Variants in JPH1 observed in about 807,000 individuals in gnomAD.
JPH1 encodes junctophilin 1.
A neutral mutation model predicts 53.6 loss-of-function variants in JPH1; 12 were observed. The ratio of observed to expected loss-of-function variants is 0.22; its 90% CI spans 0.14 to 0.36. The LOEUF is 0.36. Ranked by LOEUF, JPH1 falls within the 10% of genes least tolerant of loss-of-function variation. The pLI, the probability that JPH1 is intolerant of heterozygous loss-of-function variation, is 1.00. For synonymous variants in JPH1, 375 were observed against 363.8 expected (o/e 1.03, Z -0.35); for missense variants, 808 against 905.5 (o/e 0.89, Z 1.38).
In JPH1 at chr8:74,306,693, G is replaced by C. The variant is rs1046291621; in HGVS notation, c.1139+8168C>G. Among the ~76,000 whole-genome samples the C allele has an allele frequency of 1.4e-4, 21 of 151,804 alleles. 1 individual carries two copies. Among genetic ancestry groups the C allele is most frequent in the Non-Finnish European group, 3.1e-4 (21 of 67,980 alleles). ...TGCTCACTGCAACCTCTGCCTCCCA[G>C]GTTCAAGCGATTCCTGCCTCAGCCT... is the stretch of plus-strand genomic sequence containing the variant. On this transcript the variant is annotated intron_variant, in intron 2 of 5. Transcript: ENST00000342232.
At chr8:74,256,050 G>C (rs1395540014) in intron 3 of JPH1, among the ~76,000 whole-genome samples, 14 of 152,178 alleles carry the variant, frequency 9.2e-5, no homozygotes, top group South Asian at 4.2e-4. Context: ...GGGTATATAC[G>C]CAAAGGATTA....
Position 74,237,252 on chromosome 8 carries a change from C to A in JPH1, c.1957G>T (p.Ala653Ser), listed in dbSNP as rs751637698. The change falls in exon 5 of 6, where the codon GCC becomes TCC. Residue 653 changes from alanine (A) to serine (S), a missense_variant. Around this residue, in one of 2 missense-constraint regions of JPH1, gnomAD observed 756 missense variants for 811.9 expected, o/e 0.93. Transcript: ENST00000342232. Reference protein sequence around the residue: ...VLVMLLNIGLAILFVHFLT With the variant: ...VLVMLLNIGLSILFVHFLT ...GTTAGAAAGTGAACAAAAAGAATGG[C>A]CAACCCGATATTCAACAGCATGACA... 6.2e-7 allele frequency: 1 copy of A among 1,613,258 alleles called. No individual in the cohort carries two copies. Among genetic ancestry groups the A allele is most frequent in the African/African-American group, 1.3e-5 (1 of 74,874 alleles).
At chr8:74,248,428 A>G (rs974641935) in intron 3 of JPH1, among the ~76,000 whole-genome samples, 10 of 152,272 alleles carry the variant, frequency 6.6e-5, no homozygotes, top group African/African-American at 1.7e-4. Context: ...AGATATTTTA[A>G]TAAGTATGAA....
chr8:74,315,526 C>G lies in JPH1; in HGVS notation c.474G>C (p.Pro158=), dbSNP rs780259235. ...GCAGCGAGGCCAGCGAGGTACGCAG[C>G]GGTGAGCGGATCACCGTGGCCATGC... The part of the protein sequence containing the change: ...PYGMATVIRS[P]LRTSLASLRS... Residue 158 remains proline (P), a synonymous_variant, in exon 2 of 6, where the codon CCG becomes CCC. Transcript: ENST00000342232. This position sits in a 1 kb window ranked among gnomAD's most constrained non-coding sequence, Gnocchi z 6.3. The G allele has an allele frequency of 2.5e-6, 4 of 1,605,704 alleles. No homozygotes were observed. The highest frequency in any genetic ancestry group is 3.4e-5 in the Admixed American group (2 of 59,512).
At position 74,320,893 on chromosome 8, in the gene JPH1, C is replaced by T; in HGVS notation, c.379+16G>A. The T allele has an allele frequency of 6.7e-7, 1 of 1,501,986 alleles. No individual in the cohort carries two copies. The highest frequency in any genetic ancestry group is 8.9e-7 in the Non-Finnish European group (1 of 1,126,048). 93.0% of individuals were successfully genotyped at this position (1,501,986 alleles called of 1,614,324 possible). A position where few individuals can be genotyped will look rare whatever the true frequency, so the allele number is the denominator to read the frequency against. On this transcript the variant is annotated intron_variant, in intron 1 of 5. Transcript: ENST00000342232. The surrounding 1 kb of genome is among the most constrained non-coding windows in gnomAD (Gnocchi z 4.4). ...CCAGCTCGCGGAGCAGCCGAGCCGC[C>T]CGTTACGCCGCTCACCTCCGTCCCC...
At chr8:74,237,722 T>C (rs576762223) in intron 4 of JPH1, among the ~76,000 whole-genome samples, 1 of 152,288 alleles carries the variant, frequency 6.6e-6, no homozygotes, top group Admixed American at 6.5e-5. Flanking sequence ...GCAAAATCTG[T>C]AGGACAAAGC....
chr8:74,301,048 T>C (rs78618404), intron 2 of JPH1, among the ~76,000 whole-genome samples: 6,863 of 152,246 alleles, frequency 0.045, 214 homozygotes, highest in African/African-American at 0.083. Flanking sequence ...TTAACCTTAA[T>C]AGGGGTATTA....
intron 3 of JPH1, among the ~76,000 whole-genome samples, chr8:74,258,888 G>T (rs1806311603): frequency 6.6e-6 from 1 of 152,140 alleles, no homozygotes; most frequent in African/African-American, 2.4e-5. Flanking sequence ...CAGACCTCGG[G>T]TGATATTTGT....
intron 3 of JPH1, among the ~76,000 whole-genome samples, chr8:74,258,735 A>G (rs16938841): frequency 0.11 from 16,664 of 152,186 alleles, 2,506 homozygotes; most frequent in African/African-American, 0.34. Context: ...TAGAATCTGT[A>G]GCTGTCACTA....
chr8:74,312,896 A>C (rs13261715), intron 2 of JPH1, among the ~76,000 whole-genome samples: 40,496 of 152,106 alleles, frequency 0.27, 5,639 homozygotes, highest in East Asian at 0.39. Flanking sequence ...ATAAGGTCTT[A>C]AACTAAAGAT....
chr8:74,293,884 A>G (rs1807414717), intron 2 of JPH1, among the ~76,000 whole-genome samples: 1 of 152,214 alleles, frequency 6.6e-6, no homozygotes, highest in East Asian at 1.9e-4. Flanking sequence ...CTTTTGGAAG[A>G]CAAAGACACC....
Position 74,272,605 on chromosome 8 carries a change from T to TC in JPH1, c.1140-13103_1140-13102insG, listed in dbSNP as rs1343621954. On this transcript the variant is annotated intron_variant, in intron 2 of 5. Coordinates refer to ENST00000342232, the MANE Select transcript of JPH1 (RefSeq NM_020647.4). ...CCTCTGTTGGACCCTTAGTTCTTTT[T>TC]TTTTTTTTTTTTTTTTGAGACGGAG... Among the ~76,000 whole-genome samples the TC allele has an allele frequency of 7.9e-4, 117 of 147,996 alleles. 2 individuals are homozygous for TC. The highest frequency in any genetic ancestry group is 2.8e-3 in the African/African-American group (112 of 40,336).
chr8:74,309,387 C>T (rs140921215), intron 2 of JPH1, among the ~76,000 whole-genome samples: 8 of 152,270 alleles, frequency 5.3e-5, no homozygotes, highest in Middle Eastern at 3.4e-3. Context: ...GGTTCTCAGT[C>T]GCGTGAGGCC....
At position 74,321,336 on chromosome 8, in the gene JPH1, G is replaced by C; in HGVS notation, c.-49C>G. The C allele has an allele frequency of 6.8e-7, 1 of 1,466,358 alleles. No homozygotes were observed. The highest frequency in any genetic ancestry group is 9.0e-7 in the Non-Finnish European group (1 of 1,110,082). The allele number at this position is 1,466,358 out of a possible 1,614,324, so 90.8% of individuals were successfully genotyped here. A position where few individuals can be genotyped will look rare whatever the true frequency, so the allele number is the denominator to read the frequency against. On this transcript the variant is annotated 5_prime_UTR_variant, in exon 1 of 6. Transcript: ENST00000342232. The surrounding 1 kb of genome is among the most constrained non-coding windows in gnomAD (Gnocchi z 4.3). ...CCCCGCAGGGGCACGGACGCGGGCAGTGCTGGGCACGGCAGGGTGTAGCTC... is the reference window on the plus strand; with the variant it reads ...CCCCGCAGGGGCACGGACGCGGGCACTGCTGGGCACGGCAGGGTGTAGCTC...
intron 3 of JPH1, among the ~76,000 whole-genome samples, chr8:74,257,956 C>T (rs1013244136): frequency 2.0e-4 from 30 of 152,150 alleles, no homozygotes; most frequent in Non-Finnish European, 4.4e-5. Flanking sequence ...TGTCTTCTTT[C>T]TTTGCAGGAA....
chr8:74,275,737 C>G (rs1806828100), intron 2 of JPH1, among the ~76,000 whole-genome samples: 1 of 152,130 alleles, frequency 6.6e-6, no homozygotes, highest in African/African-American at 2.4e-5. Context: ...AGCATAACGT[C>G]CTTAAAGGAA....
intron 2 of JPH1, among the ~76,000 whole-genome samples, chr8:74,288,162 T>C (rs920442654): frequency 6.6e-6 from 1 of 152,182 alleles, no homozygotes; most frequent in Admixed American, 6.5e-5. Context: ...CTGTACTGAA[T>C]GCCATGGAGA....
chr8:74,248,277 C>T (rs1331945654), intron 3 of JPH1, among the ~76,000 whole-genome samples: 1 of 152,176 alleles, frequency 6.6e-6, no homozygotes, highest in Non-Finnish European at 1.5e-5. Flanking sequence ...GGTGGAAGTA[C>T]ATTTTAGCAT....
At position 74,275,435 on chromosome 8, in the gene JPH1, G is replaced by A. The variant is rs1000030510; in HGVS notation, c.1140-15932C>T. 5.9e-5 allele frequency among the ~76,000 whole-genome samples: 9 copies of A among 152,144 alleles called. No individual in the cohort carries two copies. In the South Asian group the frequency reaches 8.3e-4, roughly 14 times the overall value. ...TTAGTGCTCTGAGCTTTCAGAGAGC[G>A]AATTCCAGATTTCAATAAACAAGAT... On this transcript the variant is annotated intron_variant, in intron 2 of 5. Coordinates refer to ENST00000342232, the MANE Select transcript of JPH1 (RefSeq NM_020647.4).
Sources: allele counts gnomAD v4.1 joint callset (sites outside exome capture counted in the v4.1 genomes callset), GRCh38; gene constraint gnomAD v4.1.1; regional missense constraint gnomAD v4.1.1; non-coding constraint Gnocchi (gnomAD v3.1); transcripts MANE v1.5; gene names NCBI Gene and HGNC (gene_info 2026-07-23, HGNC 2026-07-21).